SF3A2: variants seen among roughly 807,000 people sequenced by gnomAD.
SF3A2 encodes splicing factor 3a subunit 2.
Under a neutral mutation model 31.1 loss-of-function variants are expected in SF3A2, and 5 were observed. That is an observed-to-expected ratio of 0.16 (90% confidence interval 0.08 to 0.34). The LOEUF (loss-of-function observed/expected upper bound fraction) is 0.34. Among genes scored for constraint, SF3A2 ranks in the 10% least tolerant of loss-of-function variants. The pLI, the probability that SF3A2 is intolerant of heterozygous loss-of-function variation, is 1.00. For synonymous variants in SF3A2, 365 were observed against 263.7 expected, an observed-to-expected ratio of 1.38 and a Z score of -3.72; for missense variants, 577 against 643.9, an observed-to-expected ratio of 0.90 and a Z score of 1.13.
rs1231552817 is a variant in SF3A2, at chr19:2,245,847, G to A, written c.355+292G>A. The A allele has an allele frequency of 2.2e-5, 10 of 452,734 alleles. No individual in the cohort carries two copies. In the East Asian group the frequency reaches 4.2e-4, roughly 19 times the overall value. The allele number at this position is 452,734 out of a possible 1,614,324, so 28.0% of individuals were successfully genotyped here. A position where few individuals can be genotyped will look rare whatever the true frequency, so the allele number is the denominator to read the frequency against. On this transcript the variant is annotated intron_variant, in intron 5 of 8. Transcript: ENST00000221494. This position sits in a 1 kb window ranked among gnomAD's most constrained non-coding sequence, Gnocchi z 4.2. Reference sequence around the variant, plus strand: ...TTCTGGGAATTCTTGCCAAGCAAAAGAGTGGAAGTGGAGGTGTGGTGAGCC... The same window carrying A: ...TTCTGGGAATTCTTGCCAAGCAAAAAAGTGGAAGTGGAGGTGTGGTGAGCC...
chr19:2,244,424 C>T (rs1241167839), intron 2 of SF3A2, 120 bp from the exon 3 acceptor site: 2 of 756,118 alleles, frequency 2.6e-6, no homozygotes, highest in Non-Finnish European at 2.2e-6. Flanking sequence ...GGTAGCCATG[C>T]CTCTACAGAA....
intron 1 of SF3A2, chr19:2,237,943 TC>T (rs1473735596): frequency 6.6e-6 from 1 of 152,170 alleles, no homozygotes; most frequent in African/African-American, 2.4e-5. Flanking sequence ...AAAAACTAAT[TC>T]CTTCTCAATG....
In SF3A2 at chr19:2,241,597, G is replaced by T. The variant is rs554919172; in HGVS notation, c.-37-1785G>T. 1.2e-4 allele frequency among the ~76,000 whole-genome samples: 19 copies of T among 152,370 alleles called. No homozygotes were observed. In the East Asian group the frequency reaches 3.5e-3, roughly 28 times the overall value. ...AGCTGTAAGCTGTTGTGGCAGCAGG[G>T]ACTGTAGGAGTTGGCGTGGCCTGCA... On this transcript the variant is annotated intron_variant, in intron 1 of 8. Coordinates refer to ENST00000221494, the MANE Select transcript of SF3A2 (RefSeq NM_007165.5).
Position 2,248,096 on chromosome 19 carries a change from C to A in SF3A2, c.945C>A (p.Val315=). The A allele has an allele frequency of 9.8e-7, 1 of 1,018,824 alleles. No homozygotes were observed. Among genetic ancestry groups the A allele is most frequent in the Non-Finnish European group, 1.5e-6 (1 of 674,014 alleles). The allele number at this position is 1,018,824 out of a possible 1,614,324, so 63.1% of individuals were successfully genotyped here. The change falls in exon 9 of 9, where the codon GTC becomes GTA. Residue 315 remains valine (V), a synonymous_variant. Coordinates refer to ENST00000221494, the MANE Select transcript of SF3A2 (RefSeq NM_007165.5). ...APGVHPPAPG[V]HPPAPGVHPP... is the part of the protein sequence containing the mutation. ...GCGTCCACCCCCCAGCTCCTGGCGT[C>A]CATCCCCCAGCCCCTGGGGTCCACC... is the stretch of plus-strand genomic sequence containing the variant.
chr19:2,247,465 CT>C, intron 7 of SF3A2, 128 bp from the exon 8 acceptor site: 1 of 878,156 alleles, frequency 1.1e-6, no homozygotes, highest in South Asian at 1.6e-5. Flanking sequence ...CCACGAAAGT[CT>C]TACCAGCCTT....
chr19:2,246,632 C>A lies in SF3A2; in HGVS notation c.356-121C>A. The A allele has an allele frequency of 8.9e-7, 1 of 1,124,396 alleles. No individual in the cohort carries two copies. The allele number at this position is 1,124,396 out of a possible 1,614,324, so 69.7% of individuals were successfully genotyped here. A position where few individuals can be genotyped will look rare whatever the true frequency, so the allele number is the denominator to read the frequency against. On this transcript the variant is annotated intron_variant, in intron 5 of 8. Transcript: ENST00000221494. This position sits in a 1 kb window ranked among gnomAD's most constrained non-coding sequence, Gnocchi z 5.5. ...TGGGCGGAGATTGTCTAATGGTTGC[C>A]AGAGCTGCAGGGCCTCCCCCGGGGT... is the stretch of plus-strand genomic sequence containing the variant.
In SF3A2 at chr19:2,245,579, G is replaced by C. The variant is rs1005478387; in HGVS notation, c.355+24G>C. ...AGGTGAGTCTGCCCGCAGCGGGGCC[G>C]GCCACAGCCGCTGCCGTGACATAAG... On this transcript the variant is annotated intron_variant, in intron 5 of 8. Coordinates refer to ENST00000221494, the MANE Select transcript of SF3A2 (RefSeq NM_007165.5). The surrounding 1 kb of genome is among the most constrained non-coding windows in gnomAD (Gnocchi z 4.2). 6.7e-7 allele frequency: 1 copy of C among 1,485,716 alleles called. No homozygotes were observed. The highest frequency in any genetic ancestry group is 1.2e-5 in the South Asian group (1 of 82,736). The allele number at this position is 1,485,716 out of a possible 1,614,324, so 92.0% of individuals were successfully genotyped here.
chr19:2,247,049 C>T (rs775139978), intron 7 of SF3A2, 27 bp downstream of exon 7: 8 of 1,186,660 alleles, frequency 6.7e-6, no homozygotes, highest in Non-Finnish European at 5.3e-6. Context: ...GTTCCCTGGG[C>T]CCCCTTGAGA....
At position 2,247,189 on chromosome 19, in the gene SF3A2, G is replaced by T. The variant is rs932490911; in HGVS notation, c.546+167G>T. ...GCCGGGCAGGGCACCTCTCCCATTG[G>T]GCTCTGCAGGAGGGCCTGCTTGGGC... On this transcript the variant is annotated intron_variant, in intron 7 of 8. Coordinates refer to ENST00000221494, the MANE Select transcript of SF3A2 (RefSeq NM_007165.5). 23 of 588,884 alleles carry T rather than the reference G, an allele frequency of 3.9e-5. No individual in the cohort carries two copies. In the African/African-American group the frequency reaches 4.1e-4, roughly 11 times the overall value. 36.5% of individuals were successfully genotyped at this position (588,884 alleles called of 1,614,324 possible). A position where few individuals can be genotyped will look rare whatever the true frequency, so the allele number is the denominator to read the frequency against.
In SF3A2 at chr19:2,247,845, C is replaced by A; in HGVS notation, c.694C>A (p.Arg232=). 2.0e-6 allele frequency: 3 copies of A among 1,521,376 alleles called. No homozygotes were observed. Among genetic ancestry groups the A allele is most frequent in the African/African-American group, 2.7e-5 (2 of 73,306 alleles). 94.2% of individuals were successfully genotyped at this position (1,521,376 alleles called of 1,614,324 possible). Residue 232 remains arginine, a synonymous_variant, in exon 9 of 9, where the codon CGG becomes AGG. Coordinates refer to ENST00000221494, the MANE Select transcript of SF3A2 (RefSeq NM_007165.5). ...CCCTGCTGGCCCCCCTGGGGTGAAGCGGCCTCCACCCCCGCTGATGAACGG... is the reference window on the plus strand; with the variant it reads ...CCCTGCTGGCCCCCCTGGGGTGAAGAGGCCTCCACCCCCGCTGATGAACGG... ...SLPAGPPGVK[R]PPPPLMNGLP...
intron 4 of SF3A2, 131 bp downstream of exon 4, chr19:2,244,910 C>T (rs1479819986): frequency 7.7e-6 from 6 of 781,804 alleles, no homozygotes; most frequent in African/African-American, 3.4e-5. Flanking sequence ...CGCTTGAGTA[C>T]GGTTCCTGGG....
At chr19:2,244,863 A>G (rs2024919051) in intron 4 of SF3A2, 84 bp downstream of exon 4, 2 of 1,332,452 alleles carry the variant, frequency 1.5e-6, no homozygotes, top group African/African-American at 1.5e-5. Flanking sequence ...CCACTGCTCC[A>G]CAGCCGGGGA....
rs2024924872 is a variant in SF3A2, at chr19:2,245,592, G to C, written c.355+37G>C. 7.0e-7 allele frequency: 1 copy of C among 1,421,262 alleles called. No individual in the cohort carries two copies. The highest frequency in any genetic ancestry group is 1.4e-5 in the African/African-American group (1 of 70,546). The allele number at this position is 1,421,262 out of a possible 1,614,324, so 88.0% of individuals were successfully genotyped here. A position where few individuals can be genotyped will look rare whatever the true frequency, so the allele number is the denominator to read the frequency against. On this transcript the variant is annotated intron_variant, in intron 5 of 8. Transcript: ENST00000221494. The surrounding 1 kb of genome is among the most constrained non-coding windows in gnomAD (Gnocchi z 4.2). ...CGCAGCGGGGCCGGCCACAGCCGCT[G>C]CCGTGACATAAGTGTGTTCTTTAGT...
intron 1 of SF3A2, among the ~76,000 whole-genome samples, chr19:2,241,328 G>T (rs733846): frequency 0.69 from 105,618 of 152,008 alleles, 39,526 homozygotes; most frequent in Non-Finnish European, 0.85. Flanking sequence ...GCTTGGTTCG[G>T]TGCTGAGATG....
rs747964072 is a variant in SF3A2, at chr19:2,247,984, C to T, written c.833C>T (p.Pro278Leu). 12 of 973,932 alleles carry T rather than the reference C, an allele frequency of 1.2e-5. No homozygotes were observed. The East Asian group carries it at 3.1e-4, about 25-fold the overall frequency. The allele number at this position is 973,932 out of a possible 1,614,324, so 60.3% of individuals were successfully genotyped here. Residue 278 changes from proline to leucine, a missense_variant, in exon 9 of 9, where the codon CCC (proline) becomes CTC (leucine). Pro to Leu is a moderately conservative substitution (Grantham distance 98). Coordinates refer to ENST00000221494, the MANE Select transcript of SF3A2 (RefSeq NM_007165.5). ...GPAPSGPPGP[P>L]QLPPPAPGVH... Reference sequence around the variant, plus strand: ...GCGCCCTCAGGGCCCCCGGGACCACCCCAGCTACCCCCGCCAGCTCCAGGG... The same window carrying T: ...GCGCCCTCAGGGCCCCCGGGACCACTCCAGCTACCCCCGCCAGCTCCAGGG...
At chr19:2,243,026 T>A (rs568424602) in intron 1 of SF3A2, among the ~76,000 whole-genome samples, 1 of 152,276 alleles carries the variant, frequency 6.6e-6, no homozygotes, top group Admixed American at 6.5e-5. Context: ...GTGACTCGTT[T>A]GTGAGATCTT....
chr19:2,236,959 G>T (rs892443227), intron 1 of SF3A2, 58 bp downstream of exon 1: 35 of 152,364 alleles, frequency 2.3e-4, no homozygotes, highest in African/African-American at 7.2e-4. Flanking sequence ...TTCCCTGGGG[G>T]ACAGCGGACG....
chr19:2,247,242 G>A (rs76897324), intron 7 of SF3A2: 21 of 537,374 alleles, frequency 3.9e-5, no homozygotes, highest in African/African-American at 1.2e-4. Flanking sequence ...AAGGGAGGCC[G>A]GCAGGGCTGA....
rs1241039578 is a variant in SF3A2 at position 2,248,443 on chromosome 19, C to A, written c.1292C>A (p.Ser431Ter). The part of the protein sequence containing the change: ...VHPQPPGVHP[S>*]NPGVHPPTPM... ...CCTCAGCCTCCGGGAGTTCACCCCT[C>A]AAATCCTGGGGTGCACCCCCCAACT... The change falls in exon 9 of 9, where the codon TCA becomes TAA. Residue 431 changes from serine to a stop codon, truncating the protein, a stop_gained. Coordinates refer to ENST00000221494, the MANE Select transcript of SF3A2 (RefSeq NM_007165.5). LOFTEE classifies it high-confidence loss of function. 2 of 1,361,536 alleles carry A rather than the reference C, an allele frequency of 1.5e-6. No homozygotes were observed. Among genetic ancestry groups the A allele is most frequent in the Non-Finnish European group, 1.9e-6 (2 of 1,054,728 alleles). The allele number at this position is 1,361,536 out of a possible 1,614,324, so 84.3% of individuals were successfully genotyped here.
Sources: gnomAD v4.1 joint callset for allele counts (sites outside exome capture counted in the v4.1 genomes callset) on GRCh38, gnomAD v4.1.1 for gene constraint, Gnocchi (gnomAD v3.1) non-coding constraint, MANE v1.5 for transcripts, NCBI Gene and HGNC (gene_info 2026-07-23, HGNC 2026-07-21) for gene names.